Variants in TOX3 observed in about 807,000 individuals in gnomAD.
The protein encoded by TOX3 is TOX high mobility group box family member 3.
In TOX3, 22 loss-of-function variants were observed where a neutral mutation model predicts 64.3. The ratio of observed to expected loss-of-function variants is 0.34; its 90% CI spans 0.24 to 0.49. The LOEUF is 0.49. Among genes scored for constraint, TOX3 ranks in the 20% least tolerant of loss-of-function variants. The probability of loss-of-function intolerance (pLI) is 0.99; values close to 1 mark genes in which losing one functional copy is unlikely to be tolerated. For missense variants in TOX3, 661 were observed against 714.4 expected (o/e 0.93, Z 0.85); for synonymous variants, 291 against 273.6 (o/e 1.06, Z -0.63).
At chr16:52,484,918 G>A (rs571297641) in intron 1 of TOX3, among the ~76,000 whole-genome samples, 1 of 151,932 alleles carries the variant, frequency 6.6e-6, no homozygotes, top group African/African-American at 2.4e-5. Context: ...AAGAAATCAT[G>A]ACATAAAAAT....
At chr16:52,455,280 C>T (rs1960481323) in intron 3 of TOX3, among the ~76,000 whole-genome samples, 1 of 151,970 alleles carries the variant, frequency 6.6e-6, no homozygotes, top group Non-Finnish European at 1.5e-5. Flanking sequence ...ACATTTGGGT[C>T]TGGATGATCC....
intron 1 of TOX3, among the ~76,000 whole-genome samples, chr16:52,490,140 C>T (rs887971451): frequency 8.6e-5 from 13 of 151,432 alleles, no homozygotes; most frequent in African/African-American, 2.5e-4. Flanking sequence ...GAAGATTTCC[C>T]GCTTGCTGTT....
rs1959825487 is a variant in TOX3 at position 52,438,593 on chromosome 16, G to GT, written c.*631dup. On this transcript the variant is annotated 3_prime_UTR_variant, in exon 7 of 7. Transcript: ENST00000219746. ...ATATACTGTGGTTTGATTTGGAGAA[G>GT]TCATGGATAAAAAGTGGAAATTAGT... The GT allele has an allele frequency of 1.1e-5, 2 of 186,266 alleles. No homozygotes were observed. The highest frequency in any genetic ancestry group is 1.1e-4 in the Admixed American group (2 of 17,446). The allele number at this position is 186,266 out of a possible 1,614,324, so 11.5% of individuals were successfully genotyped here.
intron 1 of TOX3, among the ~76,000 whole-genome samples, chr16:52,494,173 A>G (rs1301054464): frequency 6.6e-6 from 1 of 152,198 alleles, no homozygotes; most frequent in Non-Finnish European, 1.5e-5. Flanking sequence ...TTACCATCAT[A>G]AATCATTATG....
chr16:52,447,855 G>A (rs1003744390), intron 4 of TOX3, among the ~76,000 whole-genome samples: 1 of 152,062 alleles, frequency 6.6e-6, no homozygotes, highest in Non-Finnish European at 1.5e-5. Context: ...TATTTTTCTA[G>A]TTGAGTCAAA....
chr16:52,521,223 G>A (rs1050286602), intron 1 of TOX3, among the ~76,000 whole-genome samples: 17 of 152,154 alleles, frequency 1.1e-4, no homozygotes, highest in African/African-American at 4.1e-4. Context: ...AAGAAAGCCT[G>A]AAAGGAAAAT....
rs1438971784 is a variant in TOX3, at chr16:52,485,271, T to TATAC, written c.88-16698_88-16697insGTAT. ...GTATATATATATATATATATATATA[T>TATAC]ACATATCTCCCATGGAATACTATGG... is the stretch of plus-strand genomic sequence containing the variant. On this transcript the variant is annotated intron_variant, in intron 1 of 6. Transcript: ENST00000219746. 8.0e-3 allele frequency among the ~76,000 whole-genome samples: 1,160 copies of TATAC among 145,554 alleles called. 16 individuals carry two copies. The highest frequency in any genetic ancestry group is 0.028 in the African/African-American group (1,098 of 38,736).
chr16:52,468,572 A>T lies in TOX3; in HGVS notation c.90T>A (p.Phe30Leu), dbSNP rs1960936623. Reference protein sequence around the residue: ...QCLGYYGYSKFGNNNNYMNMA... With the variant: ...QCLGYYGYSKLGNNNNYMNMA... ...TATTCATATAGTTATTATTATTTCCAAACTGAAAGAAAACAGATTGTTTTA... is the reference window on the plus strand; with the variant it reads ...TATTCATATAGTTATTATTATTTCCTAACTGAAAGAAAACAGATTGTTTTA... The change falls in exon 2 of 7, where the codon TTT becomes TTA. Residue 30 changes from phenylalanine to leucine, a missense_variant and splice_region_variant. Transcript: ENST00000219746. 1 of 1,610,074 alleles carries T rather than the reference A, an allele frequency of 6.2e-7. No homozygotes were observed. The highest frequency in any genetic ancestry group is 8.5e-7 in the Non-Finnish European group (1 of 1,177,632).
chr16:52,513,384 T>C (rs184116887), intron 1 of TOX3, among the ~76,000 whole-genome samples: 23 of 152,318 alleles, frequency 1.5e-4, no homozygotes, highest in Admixed American at 9.2e-4. Flanking sequence ...GACAGAAATC[T>C]CTAAGACTAG....
At chr16:52,492,238 T>TATACAATATAAATTATTG (rs1961707459) in intron 1 of TOX3, among the ~76,000 whole-genome samples, 1 of 147,034 alleles carries the variant, frequency 6.8e-6, no homozygotes, top group Admixed American at 6.8e-5. Context: ...TTATATATAT[T>TATACAATATAAATTATTG]TATATTATAT....
intron 1 of TOX3, among the ~76,000 whole-genome samples, chr16:52,542,348 T>C (rs1328962798): frequency 2.0e-5 from 3 of 152,260 alleles, no homozygotes; most frequent in Non-Finnish European, 2.9e-5. Context: ...GATCCTCATC[T>C]ACATATGAAT....
chr16:52,475,860 T>C (rs1961192004), intron 1 of TOX3, among the ~76,000 whole-genome samples: 1 of 152,338 alleles, frequency 6.6e-6, no homozygotes, highest in African/African-American at 2.4e-5. Context: ...GGATTTACTG[T>C]AGCAGAATCT....
intron 1 of TOX3, among the ~76,000 whole-genome samples, chr16:52,531,286 T>C (rs943640348): frequency 6.6e-6 from 1 of 152,130 alleles, no homozygotes; most frequent in South Asian, 2.1e-4. Context: ...GCAATCCTAG[T>C]TTGTGGTGCT....
At chr16:52,474,018 C>A (rs1038761087) in intron 1 of TOX3, among the ~76,000 whole-genome samples, 1 of 152,182 alleles carries the variant, frequency 6.6e-6, no homozygotes, top group African/African-American at 2.4e-5. Flanking sequence ...GAGCACCACA[C>A]TCGTACATCC....
chr16:52,530,651 C>CTTT (rs775935969), intron 1 of TOX3, among the ~76,000 whole-genome samples: 1 of 145,400 alleles, frequency 6.9e-6, no homozygotes. Context: ...CCTGGCCCCT[C>CTTT]TTTTTTTTTT....
chr16:52,474,041 C>T (rs1175421769), intron 1 of TOX3, among the ~76,000 whole-genome samples: 1 of 152,172 alleles, frequency 6.6e-6, no homozygotes, highest in African/African-American at 2.4e-5. Flanking sequence ...CGGTCTACAG[C>T]CCTTCCAATT....
chr16:52,507,000 C>A (rs1962177928), intron 1 of TOX3, among the ~76,000 whole-genome samples: 1 of 152,162 alleles, frequency 6.6e-6, no homozygotes, highest in African/African-American at 2.4e-5. Flanking sequence ...AAGCTGACAA[C>A]AAAACAGTGA....
chr16:52,519,107 C>T (rs990925798), intron 1 of TOX3, among the ~76,000 whole-genome samples: 5 of 152,184 alleles, frequency 3.3e-5, no homozygotes. Flanking sequence ...TGGTATCATG[C>T]GAGGCATGTA....
At chr16:52,491,776 C>G (rs58703778) in intron 1 of TOX3, among the ~76,000 whole-genome samples, 2,786 of 152,236 alleles carry the variant, frequency 0.018, 96 homozygotes, top group African/African-American at 0.062. Context: ...AGGTCATTCA[C>G]AGTGTTATCT....
Sources: gnomAD v4.1 joint callset for allele counts (sites outside exome capture counted in the v4.1 genomes callset) on GRCh38, gnomAD v4.1.1 for gene constraint, MANE v1.5 for transcripts, NCBI Gene and HGNC (gene_info 2026-07-23, HGNC 2026-07-21) for gene names.